The following LGSN variants were observed in gnomAD, a reference collection of about 807,000 sequenced individuals.
The protein encoded by LGSN is lengsin.
LGSN carries 21 observed loss-of-function variants against 19.5 expected under a neutral mutation model. The ratio of observed to expected loss-of-function variants is 1.07; its 90% confidence interval spans 0.76 to 1.55. The LOEUF (loss-of-function observed/expected upper bound fraction) is 1.55, where lower values mean the gene tolerates loss of function less well. Ranked by LOEUF, LGSN falls within the 40% of genes most tolerant of loss-of-function variation. The pLI is 0.00. For missense variants in LGSN, 673 were observed against 608.5 expected (o/e 1.11, Z -1.12); for synonymous variants, 257 against 215.6 (o/e 1.19, Z -1.68).
chr6:63,429,571 A>G, the LGSN span, among the ~76,000 whole-genome samples: 1 of 152,048 alleles, frequency 6.6e-6, no homozygotes, highest in African/African-American at 2.4e-5. Context: ...CCCCATCTCT[A>G]CTAAAATCAC....
chr6:63,315,253 T>C (rs1768793535), intron 1 of LGSN, among the ~76,000 whole-genome samples: 2 of 152,210 alleles, frequency 1.3e-5, no homozygotes, highest in Non-Finnish European at 2.9e-5. Context: ...ACTTCTCCTT[T>C]ATAAAAGATT....
the LGSN span, among the ~76,000 whole-genome samples, chr6:63,493,008 T>C: frequency 6.6e-6 from 1 of 152,256 alleles, no homozygotes; most frequent in Non-Finnish European, 1.5e-5. Flanking sequence ...TGTTTGTAGA[T>C]GTGAACACCA....
chr6:63,565,180 T>C, the LGSN span, among the ~76,000 whole-genome samples: 1 of 144,822 alleles, frequency 6.9e-6, no homozygotes, highest in African/African-American at 2.5e-5. Flanking sequence ...GCCCAGATAA[T>C]TTTTTTTTTT....
intron 3 of LGSN, among the ~76,000 whole-genome samples, chr6:63,283,052 T>G (rs1314198930): frequency 6.6e-6 from 1 of 152,166 alleles, no homozygotes; most frequent in Non-Finnish European, 1.5e-5. Flanking sequence ...AACAGCTGGT[T>G]GCCATTTCAC....
the LGSN span, among the ~76,000 whole-genome samples, chr6:63,552,636 T>A: frequency 6.6e-6 from 1 of 152,254 alleles, no homozygotes. Flanking sequence ...TGGTATTGCC[T>A]AGGTTTTCTT....
the LGSN span, among the ~76,000 whole-genome samples, chr6:63,555,857 C>T: frequency 6.6e-6 from 1 of 151,996 alleles, no homozygotes; most frequent in Non-Finnish European, 1.5e-5. Context: ...GAATACCCAG[C>T]TAATTTTTGC....
the LGSN span, among the ~76,000 whole-genome samples, chr6:63,363,584 G>T: frequency 1.3e-5 from 2 of 152,134 alleles, no homozygotes. Flanking sequence ...TTGATCAAGT[G>T]GAAGAAAGGG....
At chr6:63,320,337 A>C (rs557038290), upstream of LGSN, among the ~76,000 whole-genome samples, 2 of 152,300 alleles carry the variant, frequency 1.3e-5, no homozygotes, top group East Asian at 3.9e-4. Flanking sequence ...TATGCTATCA[A>C]AGCCCACAGA....
the LGSN span, among the ~76,000 whole-genome samples, chr6:63,480,986 T>TATATATATAC: frequency 6.8e-5 from 3 of 44,102 alleles, no homozygotes; most frequent in Non-Finnish European, 1.4e-4. Flanking sequence ...TATATATATA[T>TATATATATAC]ACACACACAC....
the LGSN span, among the ~76,000 whole-genome samples, chr6:63,335,221 T>C: frequency 2.0e-5 from 3 of 150,946 alleles, no homozygotes; most frequent in Non-Finnish European, 4.4e-5. Context: ...GATGACTGTA[T>C]GCCAAAGAAT....
the LGSN span, among the ~76,000 whole-genome samples, chr6:63,562,263 G>A: frequency 6.7e-6 from 1 of 148,396 alleles, no homozygotes; most frequent in Non-Finnish European, 1.5e-5. Flanking sequence ...GCAATGGTGC[G>A]GTCTCAGCTC....
chr6:63,351,545 G>A, the LGSN span, among the ~76,000 whole-genome samples: 1 of 152,018 alleles, frequency 6.6e-6, no homozygotes, highest in African/African-American at 2.4e-5. Context: ...TGCAACCTCT[G>A]CCTCCCAGGT....
the LGSN span, among the ~76,000 whole-genome samples, chr6:63,529,214 T>TGTGTG: frequency 6.7e-6 from 1 of 149,206 alleles, no homozygotes; most frequent in African/African-American, 2.4e-5. Context: ...TGTATATATA[T>TGTGTG]TTGCTAATAA....
At chr6:63,470,428 C>G in the LGSN span, among the ~76,000 whole-genome samples, 1 of 150,872 alleles carries the variant, frequency 6.6e-6, no homozygotes, top group South Asian at 2.1e-4. Context: ...GAGCAGAGAT[C>G]GCACCACTGC....
chr6:63,489,513 T>A, the LGSN span, among the ~76,000 whole-genome samples: 1 of 151,782 alleles, frequency 6.6e-6, no homozygotes, highest in African/African-American at 2.4e-5. Flanking sequence ...AGATTACAGG[T>A]GTGCACCACC....
chr6:63,280,504 CAA>C lies in LGSN; in HGVS notation c.1045_1046del (p.Leu349GlufsTer15). ...ITGKKWLAGL[L>X]KHSAALSCLM... ...GGCAGCTGAGCGCAGCAGAGTGCTT[CAA>C]GAGTCCTGCCAACCATTTTTTCCCA... On this transcript the variant is annotated frameshift_variant, in exon 4 of 4. Transcript: ENST00000370657. LOFTEE classifies it low-confidence loss of function (END_TRUNC). 1 of 1,614,086 alleles carries C rather than the reference CAA, an allele frequency of 6.2e-7. No individual in the cohort carries two copies. Among genetic ancestry groups the C allele is most frequent in the Non-Finnish European group, 8.5e-7 (1 of 1,180,028 alleles).
chr6:63,344,209 C>T, the LGSN span, among the ~76,000 whole-genome samples: 1 of 152,096 alleles, frequency 6.6e-6, no homozygotes, highest in Non-Finnish European at 1.5e-5. Context: ...ACTTGTTACA[C>T]AGTAGTAGAA....
At chr6:63,385,314 C>G in the LGSN span, among the ~76,000 whole-genome samples, 1 of 152,104 alleles carries the variant, frequency 6.6e-6, no homozygotes, top group Non-Finnish European at 1.5e-5. Flanking sequence ...GCAGATCTAC[C>G]AAAATATACA....
chr6:63,491,663 T>G, the LGSN span, among the ~76,000 whole-genome samples: 1 of 152,212 alleles, frequency 6.6e-6, no homozygotes, highest in African/African-American at 2.4e-5. Context: ...CTAATTGCAA[T>G]AGATGAGTTT....
Sources: allele counts gnomAD v4.1 joint callset (sites outside exome capture counted in the v4.1 genomes callset), GRCh38; gene constraint gnomAD v4.1.1; transcripts MANE v1.5; gene names NCBI Gene and HGNC (gene_info 2026-07-23, HGNC 2026-07-21).